Variants in DOK6 observed in about 807,000 individuals in gnomAD.
DOK6 encodes docking protein 6.
A neutral mutation model predicts 44.0 loss-of-function variants in DOK6; 22 were observed. That is an observed-to-expected ratio of 0.50 (90% confidence interval 0.36 to 0.71). The LOEUF is 0.71. Among genes scored for constraint, DOK6 ranks in the 30% least tolerant of loss-of-function variants. DOK6 has a pLI of 0.00. For missense variants in DOK6, 340 were observed against 416.4 expected, an observed-to-expected ratio of 0.82 and a Z score of 1.60; for synonymous variants, 166 against 145.5, an observed-to-expected ratio of 1.14 and a Z score of -1.01.
chr18:69,559,803 G>T (rs1340428173), intron 1 of DOK6, among the ~76,000 whole-genome samples: 1 of 152,098 alleles, frequency 6.6e-6, no homozygotes, highest in Non-Finnish European at 1.5e-5. Context: ...TTCCTGGCTT[G>T]CACATGGCCA....
intron 1 of DOK6, among the ~76,000 whole-genome samples, chr18:69,466,445 G>A (rs1979929673): frequency 6.6e-6 from 1 of 151,664 alleles, no homozygotes; most frequent in Non-Finnish European, 1.5e-5. Context: ...TTTATATCTT[G>A]GCTATTGTCA....
At chr18:69,595,097 G>A (rs1461742059) in intron 2 of DOK6, among the ~76,000 whole-genome samples, 1 of 152,136 alleles carries the variant, frequency 6.6e-6, no homozygotes, top group Non-Finnish European at 1.5e-5. Flanking sequence ...AAACACTGAT[G>A]AAAGAATTGA....
intron 7 of DOK6, among the ~76,000 whole-genome samples, chr18:69,772,338 A>AT (rs1979913944): frequency 6.6e-6 from 1 of 151,976 alleles, no homozygotes; most frequent in Non-Finnish European, 1.5e-5. Context: ...ATCCCAAGGT[A>AT]TTTTTCACAG....
intron 1 of DOK6, among the ~76,000 whole-genome samples, chr18:69,519,147 G>T (rs1468536034): frequency 1.3e-5 from 2 of 151,960 alleles, no homozygotes; most frequent in East Asian, 3.8e-4. Flanking sequence ...TGGCTCCACT[G>T]CACAGATTTT....
chr18:69,506,195 A>T (rs1160524773), intron 1 of DOK6, among the ~76,000 whole-genome samples: 1 of 152,098 alleles, frequency 6.6e-6, no homozygotes, highest in Non-Finnish European at 1.5e-5. Flanking sequence ...ACTCTTTTTT[A>T]AAAAAGTATA....
intron 2 of DOK6, among the ~76,000 whole-genome samples, chr18:69,591,866 G>C (rs1382417196): frequency 6.6e-6 from 1 of 152,028 alleles, no homozygotes; most frequent in Non-Finnish European, 1.5e-5. Context: ...ATATAGGTTA[G>C]TTGACAAGTT....
chr18:69,417,010 G>A lies in DOK6; in HGVS notation c.66+15700G>A, dbSNP rs572373110. ...TAATATTTTGATACAATAATGCAAT[G>A]TATAATGATCAAATCTTGGTTATTG... On this transcript the variant is annotated intron_variant, in intron 1 of 7. Coordinates refer to ENST00000382713, the MANE Select transcript of DOK6 (RefSeq NM_152721.6). 2.0e-5 allele frequency among the ~76,000 whole-genome samples: 3 copies of A among 152,226 alleles called. No individual in the cohort carries two copies. In the East Asian group the frequency reaches 5.8e-4, roughly 29 times the overall value.
chr18:69,463,586 A>C (rs1979844808), intron 1 of DOK6, among the ~76,000 whole-genome samples: 2 of 152,050 alleles, frequency 1.3e-5, no homozygotes, highest in Non-Finnish European at 2.9e-5. Flanking sequence ...TTGAGAGAGA[A>C]CTCCACAGAG....
At chr18:69,723,645 GCT>G (rs1368530621) in intron 5 of DOK6, among the ~76,000 whole-genome samples, 1 of 152,198 alleles carries the variant, frequency 6.6e-6, no homozygotes, top group Non-Finnish European at 1.5e-5. Context: ...GCATGTTTTA[GCT>G]CTCTAGGCAG....
chr18:69,417,549 T>C (rs1213110354), intron 1 of DOK6, among the ~76,000 whole-genome samples: 1 of 152,132 alleles, frequency 6.6e-6, no homozygotes, highest in Non-Finnish European at 1.5e-5. Context: ...CTTTTTGATA[T>C]ACTGATTTCC....
At chr18:69,501,538 A>G (rs1244925503) in intron 1 of DOK6, among the ~76,000 whole-genome samples, 2 of 152,136 alleles carry the variant, frequency 1.3e-5, no homozygotes, top group Admixed American at 6.6e-5. Flanking sequence ...TGCTCTTGCA[A>G]TGTGATCTTA....
rs201814508 is a variant in DOK6, at chr18:69,480,759, CG to C, written c.66+79450del. Among the ~76,000 whole-genome samples, 20 of 152,054 alleles carry C rather than the reference CG, an allele frequency of 1.3e-4. No homozygotes were observed. The East Asian group carries it at 3.9e-3, about 29-fold the overall frequency. The stretch of plus-strand genomic sequence containing the variant: ...TGACTGAGGTCACAATACAGTGTGA[CG>C]ATTTTAAAATAGGCACAGAATTATA... On this transcript the variant is annotated intron_variant, in intron 1 of 7. Transcript: ENST00000382713.
chr18:69,583,820 A>G (rs1006609674), intron 2 of DOK6, among the ~76,000 whole-genome samples: 1 of 151,878 alleles, frequency 6.6e-6, no homozygotes, highest in Admixed American at 6.6e-5. Context: ...TTTGGCTTTA[A>G]TATTTGGGCT....
chr18:69,616,016 A>G (rs552275190), intron 3 of DOK6, among the ~76,000 whole-genome samples: 1 of 152,348 alleles, frequency 6.6e-6, no homozygotes, highest in African/African-American at 2.4e-5. Context: ...ATTGGCTGCT[A>G]AACAACTAAT....
intron 1 of DOK6, among the ~76,000 whole-genome samples, chr18:69,412,555 CATTTCACCGAATA>C (rs1180720494): frequency 6.7e-6 from 1 of 150,306 alleles, no homozygotes; most frequent in Non-Finnish European, 1.5e-5. Context: ...AAATGAAGTA[CATTTCACCGAATA>C]ATTTTTAATG....
At position 69,646,295 on chromosome 18, in the gene DOK6, T is replaced by C. The variant is rs1358566122; in HGVS notation, c.290-31439T>C. Among the ~76,000 whole-genome samples the C allele has an allele frequency of 4.6e-5, 7 of 152,286 alleles. No homozygotes were observed. In the South Asian group the frequency reaches 1.4e-3, roughly 32 times the overall value. ...TGGATATCTGTATATTTTTTCCATATCTTTTCTAAGTTTTTGACATTCTGA... is the reference window on the plus strand; with the variant it reads ...TGGATATCTGTATATTTTTTCCATACCTTTTCTAAGTTTTTGACATTCTGA... On this transcript the variant is annotated intron_variant, in intron 3 of 7. Coordinates refer to ENST00000382713, the MANE Select transcript of DOK6 (RefSeq NM_152721.6).
At chr18:69,438,163 A>G (rs768817547) in intron 1 of DOK6, among the ~76,000 whole-genome samples, 1 of 152,168 alleles carries the variant, frequency 6.6e-6, no homozygotes, top group Non-Finnish European at 1.5e-5. Context: ...CCTTCCTTTC[A>G]TGAAAGATTT....
intron 1 of DOK6, among the ~76,000 whole-genome samples, chr18:69,528,798 C>T (rs997804752): frequency 6.6e-6 from 1 of 152,144 alleles, no homozygotes; most frequent in African/African-American, 2.4e-5. Context: ...ACTATTTAAA[C>T]AGCATCACTT....
At chr18:69,576,114 C>T (rs1983232200) in intron 2 of DOK6, among the ~76,000 whole-genome samples, 2 of 152,064 alleles carry the variant, frequency 1.3e-5, no homozygotes, top group African/African-American at 4.8e-5. Flanking sequence ...ATAGTTGCCT[C>T]TGAGGTGCAG....
Sources: allele counts gnomAD v4.1 joint callset (sites outside exome capture counted in the v4.1 genomes callset), GRCh38; gene constraint gnomAD v4.1.1; transcripts MANE v1.5; gene names NCBI Gene and HGNC (gene_info 2026-07-23, HGNC 2026-07-21).